The following ADAMTS12 variants were observed in gnomAD, a reference collection of about 807,000 sequenced individuals.
The protein encoded by ADAMTS12 is A disintegrin and metalloproteinase with thrombospondin motifs 12.
ADAMTS12 carries 118 observed loss-of-function variants against 167.8 expected under a neutral mutation model. The observed-to-expected ratio is 0.70, with a 90% CI of 0.61 to 0.82. The LOEUF is 0.82. Ranked by LOEUF, ADAMTS12 falls within the 40% of genes least tolerant of loss-of-function variation. The pLI, the probability that ADAMTS12 is intolerant of heterozygous loss-of-function variation, is 0.00. For missense variants in ADAMTS12, 1,916 were observed against 1,998.8 expected, an observed-to-expected ratio of 0.96 and a Z score of 0.79; for synonymous variants, 704 against 716.9, an observed-to-expected ratio of 0.98 and a Z score of 0.29.
chr5:33,881,882 T>C (rs1750462456), intron 1 of ADAMTS12, among the ~76,000 whole-genome samples: 1 of 152,074 alleles, frequency 6.6e-6, no homozygotes, highest in Non-Finnish European at 1.5e-5. Context: ...CCACTAGCTT[T>C]TTAATTACAA....
At chr5:33,658,600 G>A (rs1325068667) in intron 6 of ADAMTS12, among the ~76,000 whole-genome samples, 1 of 152,078 alleles carries the variant, frequency 6.6e-6, no homozygotes, top group African/African-American at 2.4e-5. Context: ...CTGGATCTCG[G>A]GAGGTCAAAT....
chr5:33,804,408 A>G (rs889396469), intron 2 of ADAMTS12, among the ~76,000 whole-genome samples: 1 of 152,226 alleles, frequency 6.6e-6, no homozygotes, highest in Admixed American at 6.5e-5. Context: ...GAAGGAACAT[A>G]CAGAGAGCAG....
chr5:33,766,995 TATC>T (rs1745557754), intron 2 of ADAMTS12, among the ~76,000 whole-genome samples: 1 of 152,146 alleles, frequency 6.6e-6, no homozygotes, highest in African/African-American at 2.4e-5. Flanking sequence ...CAAAGATACA[TATC>T]CACCACTGCA....
chr5:33,558,368 G>T (rs948421509), intron 20 of ADAMTS12, among the ~76,000 whole-genome samples: 12 of 152,140 alleles, frequency 7.9e-5, no homozygotes, highest in Admixed American at 5.9e-4. Flanking sequence ...TAGGAATACA[G>T]TAATTTTGAG....
intron 2 of ADAMTS12, among the ~76,000 whole-genome samples, chr5:33,842,700 C>T (rs563689603): frequency 1.1e-4 from 17 of 152,304 alleles, no homozygotes; most frequent in African/African-American, 3.8e-4. Flanking sequence ...GTCTCTCCAT[C>T]TAAGCCCTCT....
intron 2 of ADAMTS12, among the ~76,000 whole-genome samples, chr5:33,879,764 T>C (rs1034244674): frequency 4.6e-5 from 7 of 152,204 alleles, no homozygotes; most frequent in African/African-American, 1.4e-4. Flanking sequence ...TGCTGGATAA[T>C]GTTTTACTGA....
intron 3 of ADAMTS12, among the ~76,000 whole-genome samples, chr5:33,742,878 C>T (rs934396122): frequency 6.6e-6 from 1 of 152,198 alleles, no homozygotes; most frequent in Non-Finnish European, 1.5e-5. Context: ...GAGCATATTT[C>T]TGGTTCATGG....
At chr5:33,790,136 G>T (rs975326989) in intron 2 of ADAMTS12, among the ~76,000 whole-genome samples, 1 of 152,128 alleles carries the variant, frequency 6.6e-6, no homozygotes, top group Admixed American at 6.5e-5. Context: ...AATCAGGTGC[G>T]GCCAGAGTCC....
chr5:33,848,166 A>G lies in ADAMTS12; in HGVS notation c.489+32953T>C, dbSNP rs141908529. On this transcript the variant is annotated intron_variant, in intron 2 of 23. Transcript: ENST00000504830. The stretch of plus-strand genomic sequence containing the variant: ...CAGGAGGCGGAGGTTGCAATGAGCC[A>G]AGATCGCACCACTGCACTCCAGCCT... Among the ~76,000 whole-genome samples, 996 of 151,910 alleles carry G rather than the reference A, an allele frequency of 6.6e-3. 13 individuals are homozygous for G. The highest frequency in any genetic ancestry group is 0.023 in the African/African-American group (960 of 41,422).
At chr5:33,568,976 G>A (rs1579678577) in intron 19 of ADAMTS12, among the ~76,000 whole-genome samples, 1 of 152,228 alleles carries the variant, frequency 6.6e-6, no homozygotes, top group African/African-American at 2.4e-5. Flanking sequence ...CTACGCCCAC[G>A]GAGTCTCGCT....
intron 2 of ADAMTS12, among the ~76,000 whole-genome samples, chr5:33,817,417 T>G (rs1318092695): frequency 1.3e-5 from 2 of 152,160 alleles, no homozygotes; most frequent in Non-Finnish European, 2.9e-5. Flanking sequence ...CTCTAAACCC[T>G]GAATACTCAA....
At chr5:33,887,584 G>A (rs1222500292) in intron 1 of ADAMTS12, among the ~76,000 whole-genome samples, 1 of 152,184 alleles carries the variant, frequency 6.6e-6, no homozygotes, top group African/African-American at 2.4e-5. Flanking sequence ...TAAGGCCTCA[G>A]TCCACAAGTT....
At position 33,696,277 on chromosome 5, in the gene ADAMTS12, C is replaced by T. The variant is rs930560221; in HGVS notation, c.635-12222G>A. Among the ~76,000 whole-genome samples the T allele has an allele frequency of 2.0e-5, 3 of 151,274 alleles. No individual in the cohort carries two copies. In the South Asian group the frequency reaches 6.3e-4, roughly 32 times the overall value. ...TCTACTAAAAATACAAAAAATTAGC[C>T]GGGCACGGTGGCGGGCGCCTGTAGT... On this transcript the variant is annotated intron_variant, in intron 3 of 23. Transcript: ENST00000504830.
intron 2 of ADAMTS12, among the ~76,000 whole-genome samples, chr5:33,849,630 A>ATATATAGTATC (rs1322803850): frequency 0.022 from 2,875 of 130,824 alleles, 354 homozygotes; most frequent in African/African-American, 0.054. Flanking sequence ...TTGCATAGCA[A>ATATATAGTATC]TATATATGTA....
chr5:33,809,023 G>A (rs1246918664), intron 2 of ADAMTS12, among the ~76,000 whole-genome samples: 5 of 152,016 alleles, frequency 3.3e-5, no homozygotes, highest in Non-Finnish European at 7.4e-5. Flanking sequence ...TCCACATCCC[G>A]CTTCTCTCCT....
At chr5:33,762,079 C>T (rs530326558) in intron 2 of ADAMTS12, among the ~76,000 whole-genome samples, 2 of 152,242 alleles carry the variant, frequency 1.3e-5, no homozygotes, top group African/African-American at 4.8e-5. Context: ...GTAGTCCCAG[C>T]TACTCAGGAG....
chr5:33,812,827 T>G (rs183100884), intron 2 of ADAMTS12, among the ~76,000 whole-genome samples: 2 of 152,356 alleles, frequency 1.3e-5, no homozygotes, highest in Admixed American at 1.3e-4. Flanking sequence ...ACTGCTGCCA[T>G]GAGCTCTCTT....
chr5:33,737,576 T>C (rs190066896), intron 3 of ADAMTS12, among the ~76,000 whole-genome samples: 2 of 152,348 alleles, frequency 1.3e-5, no homozygotes, highest in African/African-American at 4.8e-5. Flanking sequence ...GTGTTATATG[T>C]ATTTTACCAC....
intron 22 of ADAMTS12, among the ~76,000 whole-genome samples, chr5:33,543,633 T>A (rs913341538): frequency 2.0e-5 from 3 of 152,276 alleles, no homozygotes; most frequent in East Asian, 1.9e-4. Flanking sequence ...GCAAACTGAA[T>A]CAAGGAGCAC....
Sources: allele counts gnomAD v4.1 joint callset (sites outside exome capture counted in the v4.1 genomes callset), GRCh38; gene constraint gnomAD v4.1.1; transcripts MANE v1.5; gene names NCBI Gene and HGNC (gene_info 2026-07-23, HGNC 2026-07-21).